CFAP299: variants seen among roughly 807,000 people sequenced by gnomAD.
CFAP299 encodes cilia- and flagella-associated protein 299.
Under a neutral mutation model 27.0 loss-of-function variants are expected in CFAP299, and 21 were observed. The ratio of observed to expected loss-of-function variants is 0.78; its 90% confidence interval spans 0.55 to 1.12. The LOEUF is 1.12. CFAP299 is among the 50% of genes most tolerant of loss of function. The pLI is 0.00. For synonymous variants in CFAP299, 104 were observed against 98.1 expected, an observed-to-expected ratio of 1.06 and a Z score of -0.36; for missense variants, 310 against 276.6, an observed-to-expected ratio of 1.12 and a Z score of -0.86.
chr4:80,891,481 T>G (rs1734270180), intron 4 of CFAP299, among the ~76,000 whole-genome samples: 1 of 149,408 alleles, frequency 6.7e-6, no homozygotes, highest in Non-Finnish European at 1.5e-5. Flanking sequence ...TGGATGAAAT[T>G]GGAATCCATC....
intron 3 of CFAP299, among the ~76,000 whole-genome samples, chr4:80,635,277 A>G (rs1739420145): frequency 6.6e-6 from 1 of 152,168 alleles, no homozygotes. Context: ...AGAAATTGCA[A>G]TTGTCATATG....
At chr4:80,381,328 G>A (rs1388327373) in intron 2 of CFAP299, among the ~76,000 whole-genome samples, 1 of 151,040 alleles carries the variant, frequency 6.6e-6, no homozygotes, top group Non-Finnish European at 1.5e-5. Flanking sequence ...AATTGGTAAT[G>A]AAAAATGGAC....
intron 3 of CFAP299, among the ~76,000 whole-genome samples, chr4:80,798,748 C>A (rs1728017287): frequency 6.6e-6 from 1 of 151,986 alleles, no homozygotes; most frequent in South Asian, 2.1e-4. Flanking sequence ...TAGGAGCAAC[C>A]AATCAGCTTT....
intron 3 of CFAP299, among the ~76,000 whole-genome samples, chr4:80,637,979 A>AT (rs1314065861): frequency 6.6e-6 from 1 of 152,186 alleles, no homozygotes; most frequent in African/African-American, 2.4e-5. Context: ...TAAAGAAAAT[A>AT]TTTTTTATTA....
chr4:80,841,964 C>T (rs1730884730), intron 3 of CFAP299, among the ~76,000 whole-genome samples: 1 of 152,104 alleles, frequency 6.6e-6, no homozygotes, highest in Non-Finnish European at 1.5e-5. Context: ...CTAATCCACT[C>T]ACCCCAGTAT....
chr4:80,575,397 C>G (rs1735802779), intron 2 of CFAP299, among the ~76,000 whole-genome samples: 1 of 151,896 alleles, frequency 6.6e-6, no homozygotes, highest in Admixed American at 6.6e-5. Context: ...ACTATCACAC[C>G]TCACTGCAGC....
chr4:80,623,661 A>G (rs1738724335), intron 3 of CFAP299, among the ~76,000 whole-genome samples: 2 of 152,116 alleles, frequency 1.3e-5, no homozygotes, highest in Admixed American at 6.6e-5. Context: ...GGGCAACACA[A>G]TGCATCTAGA....
rs1236140621 is a variant in CFAP299 at position 80,799,319 on chromosome 4, A to T, written c.334-70674A>T. On this transcript the variant is annotated intron_variant, in intron 3 of 5. Transcript: ENST00000358105. ...TATTTATATAATATTTATATATATA[A>T]ATATATTTATATAATATTTATATAT... 1.6e-4 allele frequency among the ~76,000 whole-genome samples: 16 copies of T among 99,304 alleles called. No homozygotes were observed. The South Asian group carries it at 3.8e-3, about 24-fold the overall frequency. The allele number at this position is 99,304 out of a possible 152,430, so 65.1% of individuals were successfully genotyped here.
intron 3 of CFAP299, among the ~76,000 whole-genome samples, chr4:80,760,475 T>C (rs1168019102): frequency 6.6e-6 from 1 of 152,188 alleles, no homozygotes; most frequent in African/African-American, 2.4e-5. Context: ...TTGTGCAAAT[T>C]GTTCTCACAC....
chr4:80,325,301 G>A, the CFAP299 span, among the ~76,000 whole-genome samples: 1 of 152,212 alleles, frequency 6.6e-6, no homozygotes, highest in East Asian at 1.9e-4. Flanking sequence ...TCTACTCTTG[G>A]TTATTGAAAT....
At chr4:80,762,131 A>C (rs1347190316) in intron 3 of CFAP299, among the ~76,000 whole-genome samples, 1 of 151,612 alleles carries the variant, frequency 6.6e-6, no homozygotes, top group Non-Finnish European at 1.5e-5. Flanking sequence ...GTATAAAATA[A>C]ATGAGAAATA....
At chr4:80,741,785 T>C (rs754941584) in intron 3 of CFAP299, among the ~76,000 whole-genome samples, 1 of 152,172 alleles carries the variant, frequency 6.6e-6, no homozygotes, top group Non-Finnish European at 1.5e-5. Flanking sequence ...CCTTGTGTCC[T>C]AGACTGCCTT....
At chr4:80,623,809 G>T (rs545189156) in intron 3 of CFAP299, among the ~76,000 whole-genome samples, 1 of 152,242 alleles carries the variant, frequency 6.6e-6, no homozygotes, top group Admixed American at 6.5e-5. Flanking sequence ...TCTGCAGACA[G>T]AGTCTCTAGA....
At chr4:80,856,521 G>T (rs1029969495) in intron 3 of CFAP299, among the ~76,000 whole-genome samples, 2 of 151,238 alleles carry the variant, frequency 1.3e-5, no homozygotes. Context: ...TTCTTCTAGG[G>T]TTTTTATGGT....
intron 3 of CFAP299, among the ~76,000 whole-genome samples, chr4:80,854,523 G>A (rs1012409429): frequency 3.3e-5 from 5 of 151,778 alleles, no homozygotes; most frequent in African/African-American, 4.8e-5. Flanking sequence ...GACTGGCCTC[G>A]GACAGAAGCA....
intron 3 of CFAP299, among the ~76,000 whole-genome samples, chr4:80,584,120 T>C (rs1736312673): frequency 6.6e-6 from 1 of 152,114 alleles, no homozygotes; most frequent in Admixed American, 6.6e-5. Flanking sequence ...GGAAGTAGGC[T>C]GACAGAGGTT....
chr4:80,878,219 C>A (rs539348070), intron 4 of CFAP299, among the ~76,000 whole-genome samples: 9 of 152,160 alleles, frequency 5.9e-5, no homozygotes, highest in Non-Finnish European at 1.0e-4. Flanking sequence ...GCCAAATATT[C>A]TTTTCTTTGT....
At chr4:80,630,516 T>C (rs186654904) in intron 3 of CFAP299, among the ~76,000 whole-genome samples, 1 of 152,260 alleles carries the variant, frequency 6.6e-6, no homozygotes, top group East Asian at 1.9e-4. Context: ...TTTTAATAAA[T>C]TATAAAATGT....
intron 2 of CFAP299, among the ~76,000 whole-genome samples, chr4:80,506,439 C>T (rs1732041845): frequency 6.6e-6 from 1 of 152,136 alleles, no homozygotes; most frequent in Non-Finnish European, 1.5e-5. Context: ...AGACTAGCTA[C>T]ATGAAAGTCT....
Sources: gnomAD v4.1 joint callset for allele counts (sites outside exome capture counted in the v4.1 genomes callset) on GRCh38, gnomAD v4.1.1 for gene constraint, MANE v1.5 for transcripts, NCBI Gene and HGNC (gene_info 2026-07-23, HGNC 2026-07-21) for gene names.